MOV10L1: variants seen among roughly 807,000 people sequenced by gnomAD.
MOV10L1 encodes the protein RNA helicase Mov10l1.
MOV10L1 carries 110 observed loss-of-function variants against 143.8 expected under a neutral mutation model. The observed-to-expected ratio is 0.76, with a 90% CI of 0.66 to 0.90. MOV10L1 has a LOEUF of 0.90. Among genes scored for constraint, MOV10L1 ranks in the 40% least tolerant of loss-of-function variants. The pLI, the probability that MOV10L1 is intolerant of heterozygous loss-of-function variation, is 0.00. For synonymous variants in MOV10L1, 593 were observed against 581.1 expected, an observed-to-expected ratio of 1.02 and a Z score of -0.29; for missense variants, 1,406 against 1,526.8, an observed-to-expected ratio of 0.92 and a Z score of 1.32.
chr22:50,108,381 G>T, intron 4 of MOV10L1, 133 bp downstream of exon 4: 1 of 885,832 alleles, frequency 1.1e-6, no homozygotes, highest in Non-Finnish European at 1.8e-6. Flanking sequence ...CCAAAGAGGA[G>T]TGTGTTTTCC....
In MOV10L1 at chr22:50,114,620, C is replaced by G. The variant is rs2062116695; in HGVS notation, c.1124C>G (p.Pro375Arg). 1 of 1,613,458 alleles carries G rather than the reference C, an allele frequency of 6.2e-7. No individual in the cohort carries two copies. The highest frequency in any genetic ancestry group is 8.5e-7 in the Non-Finnish European group (1 of 1,179,724). ...SSLVNNRGISPGDCTCKGENG... is the reference protein window; with the variant it reads ...SSLVNNRGISRGDCTCKGENG... The stretch of plus-strand genomic sequence containing the variant: ...TTGGTGAACAACAGAGGAATCTCTC[C>G]AGGTAGTGGACGTTTCGGCTGTCAC... The change falls in exon 7 of 27, where the codon CCA becomes CGA. Residue 375 changes from proline to arginine, a missense_variant and splice_region_variant. Physicochemically the swap from Pro to Arg is moderately radical, Grantham distance 103. Coordinates refer to ENST00000262794, the MANE Select transcript of MOV10L1 (RefSeq NM_018995.3).
chr22:50,150,967 A>T, intron 21 of MOV10L1, 68 bp downstream of exon 21: 1 of 1,585,798 alleles, frequency 6.3e-7, no homozygotes, highest in East Asian at 2.3e-5. Context: ...GCAGTCGAGC[A>T]GCTCACTCTT....
At chr22:50,126,380 G>A (rs112953646) in intron 12 of MOV10L1, 108 bp downstream of exon 12, 11 of 677,486 alleles carry the variant, frequency 1.6e-5, no homozygotes, top group African/African-American at 3.7e-5. Context: ...ATATGCATTG[G>A]CTATTTTGGA....
intron 4 of MOV10L1, 159 bp from the exon 5 acceptor site, chr22:50,108,498 A>G: frequency 3.8e-6 from 3 of 796,040 alleles, no homozygotes; most frequent in African/African-American, 1.7e-5. Context: ...TCTAAGGAGA[A>G]AGGTGTGTTG....
At chr22:50,119,978 G>T (rs1329165583) in intron 9 of MOV10L1, among the ~76,000 whole-genome samples, 1 of 151,914 alleles carries the variant, frequency 6.6e-6, no homozygotes, top group Non-Finnish European at 1.5e-5. Context: ...TTCTGTTGCC[G>T]CATTGGGCTT....
chr22:50,133,202 A>G (rs1023882995), intron 13 of MOV10L1, among the ~76,000 whole-genome samples: 1 of 152,134 alleles, frequency 6.6e-6, no homozygotes, highest in Non-Finnish European at 1.5e-5. Context: ...CAGGGCTGTC[A>G]GTCCTGAGCG....
At chr22:50,141,210 G>A (rs1416558698) in intron 15 of MOV10L1, among the ~76,000 whole-genome samples, 1 of 152,044 alleles carries the variant, frequency 6.6e-6, no homozygotes, top group Admixed American at 6.6e-5. Context: ...GCTAATTTTT[G>A]TATTTTTAGT....
rs746234537 is a variant in MOV10L1 at position 50,144,137 on chromosome 22, C to T, written c.2399C>T (p.Ala800Val). Reference sequence around the variant, plus strand: ...CCGGACAGTCGGATTTTAGTCTGTGCGCCCTCCAACAGTGCTGCTGACCTC... The same window carrying T: ...CCGGACAGTCGGATTTTAGTCTGTGTGCCCTCCAACAGTGCTGCTGACCTC... ...ALPDSRILVC[A>V]PSNSAADLVC... The change falls in exon 18 of 27, where the codon GCG (alanine) becomes GTG (valine). Residue 800 changes from alanine to valine, a missense_variant. Physicochemically the swap from Ala to Val is moderately conservative, Grantham distance 64 (BLOSUM62 0). This residue lies in a region of MOV10L1 where 1,233 missense variants were observed against 1,351.4 expected (regional missense o/e 0.91). Coordinates refer to ENST00000262794, the MANE Select transcript of MOV10L1 (RefSeq NM_018995.3). 17 of 1,612,816 alleles carry T rather than the reference C, an allele frequency of 1.1e-5. No homozygotes were observed. The highest frequency in any genetic ancestry group is 2.2e-5 in the East Asian group (1 of 44,864).
chr22:50,107,005 C>A (rs995293668), intron 3 of MOV10L1, among the ~76,000 whole-genome samples: 1 of 146,782 alleles, frequency 6.8e-6, no homozygotes, highest in Non-Finnish European at 1.5e-5. Context: ...CCGGCCAGGA[C>A]ATGGTCTTCT....
chr22:50,151,083 T>C (rs1358759142), intron 21 of MOV10L1, among the ~76,000 whole-genome samples, 184 bp downstream of exon 21: 1 of 152,242 alleles, frequency 6.6e-6, no homozygotes, highest in Non-Finnish European at 1.5e-5. Context: ...TGGCTGAGAC[T>C]CTGGGGTCAG....
chr22:50,128,644 A>G (rs920825145), intron 13 of MOV10L1, 137 bp downstream of exon 13: 3 of 571,528 alleles, frequency 5.2e-6, no homozygotes, highest in African/African-American at 4.0e-5. Flanking sequence ...TCCCAGGTTC[A>G]AGCGATTCTC....
chr22:50,120,688 G>T, intron 10 of MOV10L1, 72 bp downstream of exon 10: 1 of 1,132,696 alleles, frequency 8.8e-7, no homozygotes, highest in African/African-American at 1.6e-5. Flanking sequence ...AAGCCAGGAG[G>T]TTCCTTCTCA....
chr22:50,124,231 A>G (rs2062430792), intron 10 of MOV10L1, among the ~76,000 whole-genome samples: 1 of 152,092 alleles, frequency 6.6e-6, no homozygotes, highest in East Asian at 1.9e-4. Context: ...ATCAGTGCTC[A>G]TAGTCACAAA....
chr22:50,123,762 T>A (rs1202203451), intron 10 of MOV10L1, among the ~76,000 whole-genome samples: 1 of 152,220 alleles, frequency 6.6e-6, no homozygotes, highest in African/African-American at 2.4e-5. Context: ...TTGGTAGAAT[T>A]TAGCTATGGA....
chr22:50,098,169 T>C (rs544739864), intron 2 of MOV10L1, among the ~76,000 whole-genome samples: 25 of 151,834 alleles, frequency 1.6e-4, no homozygotes, highest in African/African-American at 6.0e-4. Context: ...TTGGGTAGTA[T>C]TGTCATCTTA....
intron 2 of MOV10L1, among the ~76,000 whole-genome samples, chr22:50,098,155 C>G (rs553549308): frequency 2.0e-5 from 3 of 146,718 alleles, no homozygotes; most frequent in Admixed American, 2.0e-4. Context: ...TGTAATAGAT[C>G]ACTTTGGGTA....
Position 50,159,937 on chromosome 22 carries a change from G to A in MOV10L1, c.3324+152G>A. 1 of 589,704 alleles carries A rather than the reference G, an allele frequency of 1.7e-6. No homozygotes were observed. The highest frequency in any genetic ancestry group is 3.0e-6 in the Non-Finnish European group (1 of 332,760). 36.5% of individuals were successfully genotyped at this position (589,704 alleles called of 1,614,324 possible). ...TCCCTAGGTCCAGGAGCCATTGTAA[G>A]CAGTGGCTGTGGGAAGGTCTTTTAA... On this transcript the variant is annotated intron_variant, in intron 24 of 26. Coordinates refer to ENST00000262794, the MANE Select transcript of MOV10L1 (RefSeq NM_018995.3). The surrounding 1 kb of genome is among the most constrained non-coding windows in gnomAD (Gnocchi z 4.1).
intron 13 of MOV10L1, among the ~76,000 whole-genome samples, chr22:50,131,696 C>G (rs1242478040): frequency 2.0e-5 from 3 of 151,248 alleles, no homozygotes; most frequent in African/African-American, 7.3e-5. Context: ...TGCCCTTTCT[C>G]CAATGAATTA....
At chr22:50,118,373 A>G (rs756316845) in intron 9 of MOV10L1, among the ~76,000 whole-genome samples, 4 of 152,188 alleles carry the variant, frequency 2.6e-5, no homozygotes, top group Non-Finnish European at 5.9e-5. Context: ...TAAAATGTGC[A>G]GTTTTCTGGC....
Sources: gnomAD v4.1 joint callset for allele counts (sites outside exome capture counted in the v4.1 genomes callset) on GRCh38, gnomAD v4.1.1 for gene constraint, gnomAD v4.1.1 regional missense constraint, Gnocchi (gnomAD v3.1) non-coding constraint, MANE v1.5 for transcripts, NCBI Gene and HGNC (gene_info 2026-07-23, HGNC 2026-07-21) for gene names.